Variants in ANO3 observed in about 807,000 individuals in gnomAD.
The protein encoded by ANO3 is anoctamin-3.
In ANO3, 99 loss-of-function variants were observed where a neutral mutation model predicts 144.8. The ratio of observed to expected loss-of-function variants is 0.68; its 90% CI spans 0.58 to 0.81. ANO3 has a LOEUF of 0.81. ANO3 is among the 30% of genes least tolerant of loss of function. The pLI is 0.00. For missense variants in ANO3, 905 were observed against 1,202.2 expected, an observed-to-expected ratio of 0.75 and a Z score of 3.66; for synonymous variants, 414 against 392.6, an observed-to-expected ratio of 1.05 and a Z score of -0.64.
At chr11:26,333,817 TC>T (rs1855125124) in intron 1 of ANO3, among the ~76,000 whole-genome samples, 1 of 152,212 alleles carries the variant, frequency 6.6e-6, no homozygotes, top group Non-Finnish European at 1.5e-5. Flanking sequence ...CTACTTCAAC[TC>T]TAAACATTTC....
intron 1 of ANO3, among the ~76,000 whole-genome samples, chr11:26,228,615 T>A (rs957479760): frequency 5.9e-5 from 9 of 152,150 alleles, no homozygotes; most frequent in Non-Finnish European, 1.3e-4. Flanking sequence ...GCATTGAAGG[T>A]TTGATTGGCC....
At chr11:26,594,839 CTACAAAGG>C (rs1473324515) in intron 14 of ANO3, among the ~76,000 whole-genome samples, 1 of 152,156 alleles carries the variant, frequency 6.6e-6, no homozygotes, top group African/African-American at 2.4e-5. Flanking sequence ...GCCCTCCTTT[CTACAAAGG>C]AGATCTAGCT....
chr11:26,292,401 G>A (rs1162166797), intron 1 of ANO3, among the ~76,000 whole-genome samples: 1 of 152,054 alleles, frequency 6.6e-6, no homozygotes, highest in African/African-American at 2.4e-5. Flanking sequence ...ATCTTCTGAA[G>A]CCCACTTCTG....
chr11:26,297,184 C>CGTGTGTGTGT (rs377447870), intron 1 of ANO3, among the ~76,000 whole-genome samples: 5,589 of 146,350 alleles, frequency 0.038, 194 homozygotes, highest in African/African-American at 0.1. Context: ...TCAACCATTG[C>CGTGTGTGTGT]GTGTGTGTGT....
chr11:26,249,036 G>C (rs527317950), intron 1 of ANO3, among the ~76,000 whole-genome samples: 1 of 152,138 alleles, frequency 6.6e-6, no homozygotes, highest in Non-Finnish European at 1.5e-5. Context: ...GTGTCAAAAA[G>C]GTTGGAGACT....
At chr11:26,230,369 A>G (rs1318807656) in intron 1 of ANO3, among the ~76,000 whole-genome samples, 5 of 152,206 alleles carry the variant, frequency 3.3e-5, no homozygotes, top group African/African-American at 1.2e-4. Flanking sequence ...CTTTGAATAG[A>G]AACAGGGATA....
chr11:26,625,336 A>G (rs1482956856), intron 18 of ANO3, among the ~76,000 whole-genome samples: 1 of 152,166 alleles, frequency 6.6e-6, no homozygotes, highest in African/African-American at 2.4e-5. Context: ...CCTTCCCATT[A>G]TACAAGTATG....
At chr11:26,248,300 T>C (rs1350572484) in intron 1 of ANO3, among the ~76,000 whole-genome samples, 1 of 151,950 alleles carries the variant, frequency 6.6e-6, no homozygotes, top group Non-Finnish European at 1.5e-5. Flanking sequence ...ATCGCGCCAC[T>C]GCACTCCAGC....
rs373336994 is a variant in ANO3 at position 26,375,462 on chromosome 11, A to G, written c.46+43141A>G. Among the ~76,000 whole-genome samples the G allele has an allele frequency of 3.3e-5, 5 of 152,318 alleles. No homozygotes were observed. The East Asian group carries it at 9.7e-4, about 29-fold the overall frequency. ...CCAGAAATTTATTCATCTACAAATAATAAGTTCTCAATAAATATTTGGCAT... is the reference window on the plus strand; with the variant it reads ...CCAGAAATTTATTCATCTACAAATAGTAAGTTCTCAATAAATATTTGGCAT... On this transcript the variant is annotated intron_variant, in intron 1 of 26. Transcript: ENST00000256737.
At chr11:26,597,018 C>A (rs12293283) in intron 14 of ANO3, among the ~76,000 whole-genome samples, 18,577 of 152,234 alleles carry the variant, frequency 0.12, 1,367 homozygotes, top group African/African-American at 0.21. Context: ...AGCAGCCACG[C>A]TAATCGTTTT....
intron 6 of ANO3, 142 bp from the exon 7 acceptor site, chr11:26,525,493 T>C (rs1849138873): frequency 1.5e-6 from 1 of 651,416 alleles, no homozygotes; most frequent in Non-Finnish European, 2.7e-6. Context: ...CATAGTATGC[T>C]GGGTTATTTC....
chr11:26,656,660 G>A (rs911043889), intron 26 of ANO3, among the ~76,000 whole-genome samples, 179 bp downstream of exon 26: 1 of 152,112 alleles, frequency 6.6e-6, no homozygotes, highest in African/African-American at 2.4e-5. Context: ...GCTGAATAAT[G>A]TAAGAGTGTA....
chr11:26,643,612 G>A (rs893637941), intron 23 of ANO3, among the ~76,000 whole-genome samples: 19 of 152,004 alleles, frequency 1.2e-4, no homozygotes, highest in Admixed American at 9.8e-4. Flanking sequence ...AAAATTAGCC[G>A]GGCATGGTGG....
chr11:26,550,688 T>A (rs449621), intron 12 of ANO3, among the ~76,000 whole-genome samples: 100,097 of 151,812 alleles, frequency 0.66, 33,292 homozygotes, highest in East Asian at 0.83. Context: ...ACATTTGGAT[T>A]GTTTCCAAAT....
At chr11:26,537,869 G>A (rs1006035623) in intron 10 of ANO3, among the ~76,000 whole-genome samples, 3 of 152,160 alleles carry the variant, frequency 2.0e-5, no homozygotes, top group Admixed American at 2.0e-4. Flanking sequence ...TCAATTATTT[G>A]TCAGATTATT....
intron 1 of ANO3, among the ~76,000 whole-genome samples, chr11:26,326,883 A>C (rs923060942): frequency 2.6e-5 from 4 of 152,192 alleles, no homozygotes; most frequent in African/African-American, 9.6e-5. Flanking sequence ...AAAGTTGTTG[A>C]TATTACCAGA....
In ANO3 at chr11:26,640,679, C is replaced by T. The variant is rs531274047; in HGVS notation, c.2142-1217C>T. Among the ~76,000 whole-genome samples the T allele has an allele frequency of 5.3e-5, 8 of 152,140 alleles. No homozygotes were observed. In the South Asian group the frequency reaches 1.0e-3, roughly 20 times the overall value. ...ACAGGACATTTTCATTATGGCCTTG[C>T]GCTAGGGGTCAGTCTGGATCACATA... is the stretch of plus-strand genomic sequence containing the variant. On this transcript the variant is annotated intron_variant, in intron 21 of 26. Transcript: ENST00000256737.
At chr11:26,329,248 T>C (rs565911287), upstream of ANO3, among the ~76,000 whole-genome samples, 1 of 152,038 alleles carries the variant, frequency 6.6e-6, no homozygotes, top group African/African-American at 2.4e-5. Context: ...AAGAGGGCTT[T>C]TGCTCAAACT....
At position 26,246,811 on chromosome 11, in the gene ANO3, G is replaced by A. The variant is rs929467734; in HGVS notation, c.154+57481G>A. On this transcript the variant is annotated intron_variant, in intron 1 of 27. Coordinates refer to the ANO3 transcript ENST00000672621. The stretch of plus-strand genomic sequence containing the variant: ...ATGAGATCTGATGATTTTATAAAAG[G>A]CAGTTCCCCTGTCCAAGCCTTCTTG... Among the ~76,000 whole-genome samples the A allele has an allele frequency of 3.3e-5, 5 of 152,080 alleles. No individual in the cohort carries two copies. The East Asian group carries it at 9.7e-4, about 29-fold the overall frequency.
Sources: gnomAD v4.1 joint callset for allele counts (sites outside exome capture counted in the v4.1 genomes callset) on GRCh38, gnomAD v4.1.1 for gene constraint, MANE v1.5 for transcripts, NCBI Gene and HGNC (gene_info 2026-07-23, HGNC 2026-07-21) for gene names.